The following CLTCL1 variants were observed in gnomAD, a reference collection of about 807,000 sequenced individuals.
The protein encoded by CLTCL1 is clathrin heavy chain 2.
In CLTCL1, 159 loss-of-function variants were observed where a neutral mutation model predicts 190.0. The observed-to-expected ratio is 0.84, with a 90% confidence interval of 0.74 to 0.95. CLTCL1 has a LOEUF of 0.95. CLTCL1 is among the 40% of genes least tolerant of loss of function. CLTCL1 has a pLI of 0.00. For missense variants in CLTCL1, 1,878 were observed against 2,033.4 expected (o/e 0.92, Z 1.47); for synonymous variants, 752 against 769.6 (o/e 0.98, Z 0.38).
In CLTCL1 at chr22:19,242,807, A is replaced by C; in HGVS notation, c.649T>G (p.Cys217Gly). 6.2e-7 allele frequency: 1 copy of C among 1,613,970 alleles called. No individual in the cohort carries two copies. Among genetic ancestry groups the C allele is most frequent in the East Asian group, 2.2e-5 (1 of 44,882 alleles). ...EGNAKPATLF[C>G]FAVRNPTGGK... Reference sequence around the variant, plus strand: ...CCTGTGGGATTACGTACAGCAAAGCAGAAAAGGGTGGCAGGCTTGGCATTC... The same window carrying C: ...CCTGTGGGATTACGTACAGCAAAGCCGAAAAGGGTGGCAGGCTTGGCATTC... Residue 217 changes from cysteine to glycine, a missense_variant, in exon 4 of 33, where the codon TGC becomes GGC. Cys to Gly is a radical substitution (Grantham distance 159, BLOSUM62 -3). Coordinates refer to ENST00000427926, the MANE Select transcript of CLTCL1 (RefSeq NM_007098.4).
chr22:19,207,673 C>T, intron 22 of CLTCL1: 1 of 449,726 alleles, frequency 2.2e-6, no homozygotes, highest in East Asian at 3.3e-5. Flanking sequence ...GAAGCTTCAT[C>T]TGTATTTACA....
intron 30 of CLTCL1, chr22:19,181,351 C>T (rs2084130683): frequency 6.5e-6 from 1 of 154,894 alleles, no homozygotes; most frequent in Non-Finnish European, 1.4e-5. Flanking sequence ...AGGCACTGAC[C>T]CCACCCACTG....
chr22:19,227,824 C>T (rs2085800028), intron 11 of CLTCL1, among the ~76,000 whole-genome samples: 1 of 152,134 alleles, frequency 6.6e-6, no homozygotes, highest in Admixed American at 6.5e-5. Context: ...TCTCAAACTC[C>T]TGGGCTCTGC....
chr22:19,240,768 C>T (rs1039520036), intron 4 of CLTCL1, among the ~76,000 whole-genome samples: 3 of 152,092 alleles, frequency 2.0e-5, no homozygotes, highest in East Asian at 1.9e-4. Flanking sequence ...CAGACAGTGA[C>T]GAGAGAATAG....
chr22:19,219,005 C>T (rs1478245720), intron 18 of CLTCL1, among the ~76,000 whole-genome samples: 2 of 152,308 alleles, frequency 1.3e-5, no homozygotes, highest in Admixed American at 6.5e-5. Context: ...ACCAGGTACT[C>T]TCTTCCTGGG....
chr22:19,180,661 A>T, intron 31 of CLTCL1, 70 bp downstream of exon 31: 1 of 1,486,374 alleles, frequency 6.7e-7, no homozygotes, highest in Non-Finnish European at 9.4e-7. Context: ...CCAGCCAGGT[A>T]AGGGCAGTGG....
Position 19,234,583 on chromosome 22 carries a change from C to G in CLTCL1, c.1093G>C (p.Val365Leu), listed in dbSNP as rs371982721. The change falls in exon 7 of 33, where the codon GTG becomes CTG. Residue 365 changes from valine (V) to leucine (L), a missense_variant. Coordinates refer to ENST00000427926, the MANE Select transcript of CLTCL1 (RefSeq NM_007098.4). ...GCAAAGAGGGTATTGAATTTTCTCACAAACAACTTCTCTGCCCCAGCCAGG... is the reference window on the plus strand; with the variant it reads ...GCAAAGAGGGTATTGAATTTTCTCAGAAACAACTTCTCTGCCCCAGCCAGG... ...SNLAGAEKLF[V>L]RKFNTLFAQG... is the part of the protein sequence containing the mutation. The G allele has an allele frequency of 4.8e-5, 77 of 1,613,906 alleles. No individual in the cohort carries two copies. Among genetic ancestry groups the G allele is most frequent in the Non-Finnish European group, 6.2e-5 (73 of 1,179,896 alleles).
At chr22:19,285,319 T>C (rs2087869347) in intron 1 of CLTCL1, among the ~76,000 whole-genome samples, 1 of 152,008 alleles carries the variant, frequency 6.6e-6, no homozygotes, top group African/African-American at 2.4e-5. Context: ...CCAAAGAGCC[T>C]TTCCTAGCCT....
intron 15 of CLTCL1, 30 bp from the exon 16 acceptor site, chr22:19,222,123 T>C (rs1468920595): frequency 1.9e-6 from 3 of 1,610,976 alleles, no homozygotes; most frequent in Non-Finnish European, 2.5e-6. Context: ...GTAACTTCAG[T>C]GTTGCAAACA....
At chr22:19,204,291 A>G (rs1312618895) in intron 22 of CLTCL1, among the ~76,000 whole-genome samples, 1 of 152,116 alleles carries the variant, frequency 6.6e-6, no homozygotes, top group Non-Finnish European at 1.5e-5. Flanking sequence ...CTCTCGCTGG[A>G]TGGCTGTGCT....
chr22:19,210,628 C>T (rs1265920961), intron 19 of CLTCL1, 119 bp from the exon 20 acceptor site: 4 of 671,016 alleles, frequency 6.0e-6, no homozygotes, highest in Non-Finnish European at 9.9e-6. Context: ...AATATACACA[C>T]ACATAACTGC....
intron 4 of CLTCL1, 97 bp downstream of exon 4, chr22:19,242,678 C>T: frequency 5.3e-6 from 7 of 1,311,898 alleles, no homozygotes; most frequent in South Asian, 1.3e-5. Flanking sequence ...TTTCCTCACA[C>T]AGACATCTGC....
intron 5 of CLTCL1, among the ~76,000 whole-genome samples, chr22:19,237,915 A>C (rs139354507): frequency 6.6e-6 from 1 of 152,324 alleles, no homozygotes; most frequent in East Asian, 1.9e-4. Flanking sequence ...ATTTATTGAT[A>C]TTATTAGAAA....
chr22:19,184,461 C>G (rs562719776), intron 29 of CLTCL1: 1 of 456,014 alleles, frequency 2.2e-6, no homozygotes, highest in Admixed American at 2.3e-5. Flanking sequence ...ACCCGATGTG[C>G]TGAGCTGGCT....
At chr22:19,211,441 T>C (rs1601530616) in intron 19 of CLTCL1, among the ~76,000 whole-genome samples, 1 of 152,016 alleles carries the variant, frequency 6.6e-6, no homozygotes. Flanking sequence ...TTTTCTATAA[T>C]GAATCGCAAA....
chr22:19,257,478 C>G (rs2146123016), intron 2 of CLTCL1: 1 of 236,804 alleles, frequency 4.2e-6, no homozygotes, highest in Non-Finnish European at 8.6e-6. Context: ...AAATCACAGG[C>G]AGAACCTGAG....
chr22:19,254,870 T>C (rs146781228), intron 2 of CLTCL1, among the ~76,000 whole-genome samples: 6 of 152,228 alleles, frequency 3.9e-5, no homozygotes, highest in African/African-American at 1.2e-4. Flanking sequence ...TAATGTCCAA[T>C]AGGGCAGTAC....
At chr22:19,202,458 CGCA>C (rs1569164024) in intron 22 of CLTCL1, among the ~76,000 whole-genome samples, 2 of 151,496 alleles carry the variant, frequency 1.3e-5, no homozygotes, top group Non-Finnish European at 3.0e-5. Flanking sequence ...CGGCACCTCC[CGCA>C]CCACCCCTCC....
intron 30 of CLTCL1, chr22:19,182,941 C>T (rs952764885): frequency 3.9e-5 from 8 of 204,656 alleles, no homozygotes; most frequent in Non-Finnish European, 7.0e-5. Flanking sequence ...TTCAGTGGAT[C>T]TGTGAATACT....
Sources: allele counts gnomAD v4.1 joint callset (sites outside exome capture counted in the v4.1 genomes callset), GRCh38; gene constraint gnomAD v4.1.1; transcripts MANE v1.5; gene names NCBI Gene and HGNC (gene_info 2026-07-23, HGNC 2026-07-21).